The following GCA variants were observed in gnomAD, a reference collection of about 807,000 sequenced individuals.
The protein encoded by GCA is grancalcin.
GCA carries 30 observed loss-of-function variants against 32.6 expected under a neutral mutation model. That is an observed-to-expected ratio of 0.92 (90% confidence interval 0.69 to 1.25). The LOEUF is 1.25. Ranked by LOEUF, GCA falls within the 50% of genes most tolerant of loss-of-function variation. The probability of loss-of-function intolerance (pLI) is 0.00; values close to 1 mark genes in which losing one functional copy is unlikely to be tolerated. For missense variants in GCA, 291 were observed against 266.8 expected (o/e 1.09, Z -0.63); for synonymous variants, 102 against 84.6 (o/e 1.21, Z -1.13).
intron 1 of GCA, among the ~76,000 whole-genome samples, chr2:162,326,699 G>A (rs896108432): frequency 1.2e-4 from 19 of 152,048 alleles, no homozygotes; most frequent in African/African-American, 4.3e-4. Context: ...TGTATTTTTA[G>A]TAGACATGAG....
downstream of GCA, among the ~76,000 whole-genome samples, chr2:162,363,633 C>G (rs1277478250): frequency 6.6e-6 from 1 of 151,362 alleles, no homozygotes; most frequent in African/African-American, 2.4e-5. Context: ...TACTTTCCAG[C>G]AAAACACTGG....
At chr2:162,336,448 A>G (rs1411473751) in intron 1 of GCA, among the ~76,000 whole-genome samples, 1 of 152,222 alleles carries the variant, frequency 6.6e-6, no homozygotes. Context: ...TATTTTTTTG[A>G]TATCAGTAAC....
At chr2:162,323,786 G>A (rs1683772910) in intron 1 of GCA, among the ~76,000 whole-genome samples, 1 of 151,904 alleles carries the variant, frequency 6.6e-6, no homozygotes, top group Non-Finnish European at 1.5e-5. Context: ...TTTGGTACCA[G>A]TACCATGCTG....
chr2:162,355,508 CT>C (rs1685219726), intron 3 of GCA, among the ~76,000 whole-genome samples: 1 of 151,862 alleles, frequency 6.6e-6, no homozygotes, highest in African/African-American at 2.4e-5. Flanking sequence ...CTATTAAGCA[CT>C]TTGTAAATTT....
At chr2:162,343,957 G>A (rs1684538658), upstream of GCA, 1 of 454,350 alleles carries the variant, frequency 2.2e-6, no homozygotes, top group Admixed American at 3.5e-5. Context: ...GCAGGGACTG[G>A]AGGGCTCCCG....
chr2:162,343,965 C>A (rs1269341499), upstream of GCA: 1 of 466,608 alleles, frequency 2.1e-6, no homozygotes, highest in Non-Finnish European at 3.9e-6. Flanking sequence ...TGGAGGGCTC[C>A]CGATGGGGTG....
At chr2:162,340,300 C>A (rs1684399256), upstream of GCA, among the ~76,000 whole-genome samples, 2 of 152,164 alleles carry the variant, frequency 1.3e-5, no homozygotes, top group African/African-American at 4.8e-5. Flanking sequence ...AATTTAACAT[C>A]TCCAATATTA....
chr2:162,325,715 C>A (rs1006756252), intron 1 of GCA, among the ~76,000 whole-genome samples: 35 of 152,320 alleles, frequency 2.3e-4, no homozygotes, highest in African/African-American at 6.0e-4. Context: ...ATCCCCAAAT[C>A]TGTCTGCACT....
intron 4 of GCA, among the ~76,000 whole-genome samples, chr2:162,368,281 G>A (rs1410730283): frequency 7.0e-6 from 1 of 142,426 alleles, no homozygotes; most frequent in Non-Finnish European, 1.5e-5. Context: ...AATATAACTT[G>A]ATTTTTTGAT....
In GCA at chr2:162,361,970, A is replaced by G. The variant is rs1685591500; in HGVS notation, c.*1727A>G. The G allele has an allele frequency of 3.1e-6, 3 of 983,142 alleles. No individual in the cohort carries two copies. The highest frequency in any genetic ancestry group is 9.4e-5 in the South Asian group (2 of 21,246). 60.9% of individuals were successfully genotyped at this position (983,142 alleles called of 1,614,324 possible). On this transcript the variant is annotated 3_prime_UTR_variant, in exon 8 of 8. Coordinates refer to ENST00000437150, the MANE Select transcript of GCA (RefSeq NM_012198.5). ...TTATCTCTCTTACTTGGAGGCTCAC[A>G]GTTGAGGTAAAACTTTTAAAATGAC...
At chr2:162,324,656 G>A (rs1683811626) in intron 1 of GCA, among the ~76,000 whole-genome samples, 1 of 152,170 alleles carries the variant, frequency 6.6e-6, no homozygotes, top group African/African-American at 2.4e-5. Context: ...GGAAATGCCT[G>A]TCCTCACCTA....
chr2:162,367,557 ACT>A (rs1213068498), downstream of GCA, among the ~76,000 whole-genome samples: 1 of 151,930 alleles, frequency 6.6e-6, no homozygotes, highest in African/African-American at 2.4e-5. Flanking sequence ...GGAGATTGAC[ACT>A]CTCACTATTA....
downstream of GCA, among the ~76,000 whole-genome samples, chr2:162,375,267 A>G (rs981703103): frequency 1.3e-5 from 2 of 152,208 alleles, no homozygotes; most frequent in Non-Finnish European, 2.9e-5. Flanking sequence ...GAAAGACTGG[A>G]AGAAGAACTG....
chr2:162,321,855 C>A (rs1243533762), intron 1 of GCA, among the ~76,000 whole-genome samples: 2 of 133,504 alleles, frequency 1.5e-5, no homozygotes, highest in African/African-American at 5.4e-5. Context: ...TCAAAGAATG[C>A]ACAATTTATA....
At chr2:162,349,621 T>C (rs1177616902) in intron 2 of GCA, among the ~76,000 whole-genome samples, 1 of 152,126 alleles carries the variant, frequency 6.6e-6, no homozygotes, top group Non-Finnish European at 1.5e-5. Flanking sequence ...GCATGGAGAC[T>C]GGGGGCCAGA....
At chr2:162,368,203 C>T (rs559520813) in intron 4 of GCA, among the ~76,000 whole-genome samples, 21 of 152,052 alleles carry the variant, frequency 1.4e-4, no homozygotes, top group Non-Finnish European at 2.6e-4. Flanking sequence ...GACCACTGTC[C>T]TGTATCATCC....
At chr2:162,326,260 A>C (rs1683874626) in intron 1 of GCA, among the ~76,000 whole-genome samples, 1 of 152,182 alleles carries the variant, frequency 6.6e-6, no homozygotes, top group South Asian at 2.1e-4. Context: ...GTCTACAGAA[A>C]AGTTCCAATT....
chr2:162,366,281 C>T (rs1047581735), downstream of GCA, among the ~76,000 whole-genome samples: 3 of 151,684 alleles, frequency 2.0e-5, no homozygotes, highest in East Asian at 1.9e-4. Flanking sequence ...TTGCTATTCT[C>T]ATTTAAAAGT....
At chr2:162,326,652 G>T (rs530039120) in intron 1 of GCA, among the ~76,000 whole-genome samples, 2 of 152,282 alleles carry the variant, frequency 1.3e-5, no homozygotes, top group Non-Finnish European at 2.9e-5. Flanking sequence ...AAGTAGCTGG[G>T]ACTACAGGCA....
Sources: gnomAD v4.1 joint callset for allele counts (sites outside exome capture counted in the v4.1 genomes callset) on GRCh38, gnomAD v4.1.1 for gene constraint, MANE v1.5 for transcripts, NCBI Gene and HGNC (gene_info 2026-07-23, HGNC 2026-07-21) for gene names.